Variants in PIGH observed in about 807,000 individuals in gnomAD.
The protein encoded by PIGH is phosphatidylinositol N-acetylglucosaminyltransferase subunit H.
A neutral mutation model predicts 20.1 loss-of-function variants in PIGH; 11 were observed. The ratio of observed to expected loss-of-function variants is 0.55; its 90% CI spans 0.34 to 0.91. The LOEUF is 0.91. PIGH is among the 40% of genes least tolerant of loss of function. The probability of loss-of-function intolerance (pLI) is 0.02; values close to 1 mark genes in which losing one functional copy is unlikely to be tolerated. For synonymous variants in PIGH, 72 were observed against 93.1 expected (o/e 0.77, Z 1.31); for missense variants, 189 against 233.6 (o/e 0.81, Z 1.24).
At chr14:67,599,090 T>TAAATTAA (rs1027077845) in intron 1 of PIGH, among the ~76,000 whole-genome samples, 1 of 152,198 alleles carries the variant, frequency 6.6e-6, no homozygotes, top group Non-Finnish European at 1.5e-5. Flanking sequence ...TATGCTAAAT[T>TAAATTAA]ACCATGCTCT....
chr14:67,592,317 G>T, intron 3 of PIGH: 1 of 434,956 alleles, frequency 2.3e-6, no homozygotes. Context: ...GTGCACACCT[G>T]TAGTCCCAAG....
At chr14:67,595,150 T>G (rs8005467) in intron 1 of PIGH, among the ~76,000 whole-genome samples, 1 of 148,646 alleles carries the variant, frequency 6.7e-6, no homozygotes, top group Non-Finnish European at 1.5e-5. Context: ...AAAATAAAAA[T>G]AAAAAAAATA....
rs764952942 is a variant in PIGH, at chr14:67,590,053, CA to C, written c.*26del. 3.2e-6 allele frequency: 5 copies of C among 1,542,198 alleles called. No homozygotes were observed. The highest frequency in any genetic ancestry group is 4.4e-6 in the Non-Finnish European group (5 of 1,143,880). ...CTTAAGAGTCATCTCCCATGGAAGA[CA>C]ATGCTGGCCTTCTGAACGCTGGGGC... On this transcript the variant is annotated 3_prime_UTR_variant, in exon 4 of 4. Transcript: ENST00000216452.
chr14:67,592,551 C>A (rs2036392570), intron 3 of PIGH, 84 bp downstream of exon 3: 3 of 830,076 alleles, frequency 3.6e-6, no homozygotes, highest in Admixed American at 4.0e-5. Flanking sequence ...CAGGTATCTT[C>A]CAATACTCTG....
intron 3 of PIGH, among the ~76,000 whole-genome samples, chr14:67,590,732 G>A (rs1415021662): frequency 6.6e-6 from 1 of 152,210 alleles, no homozygotes; most frequent in African/African-American, 2.4e-5. Context: ...GAGTTAAGAA[G>A]TTTAGGCCTC....
At chr14:67,592,140 A>T (rs1393105038) in intron 3 of PIGH, 2 of 180,332 alleles carry the variant, frequency 1.1e-5, no homozygotes, top group Non-Finnish European at 2.4e-5. Flanking sequence ...TGTGTTCTTT[A>T]AAATGTGCAT....
At chr14:67,592,020 G>A (rs1009631745) in intron 3 of PIGH, 1 of 154,466 alleles carries the variant, frequency 6.5e-6, no homozygotes, top group Non-Finnish European at 1.4e-5. Context: ...ACACAATAGT[G>A]TACAATGTAA....
intron 1 of PIGH, among the ~76,000 whole-genome samples, chr14:67,595,123 C>A (rs371544073): frequency 6.8e-6 from 1 of 146,204 alleles, no homozygotes. Flanking sequence ...GGTGACAGAG[C>A]GAGACTCCGT....
At chr14:67,596,647 T>C (rs2036480734) in intron 1 of PIGH, among the ~76,000 whole-genome samples, 2 of 152,146 alleles carry the variant, frequency 1.3e-5, no homozygotes, top group African/African-American at 4.8e-5. Context: ...GGGCCTGCAC[T>C]ACCCACCCAA....
intron 1 of PIGH, among the ~76,000 whole-genome samples, chr14:67,597,290 CA>C (rs1238558866): frequency 6.6e-6 from 1 of 152,138 alleles, no homozygotes; most frequent in Non-Finnish European, 1.5e-5. Context: ...CCAGCCTGGG[CA>C]ACCTAGTGAG....
At chr14:67,592,308 T>A (rs1437964528) in intron 3 of PIGH, 1 of 433,284 alleles carries the variant, frequency 2.3e-6, no homozygotes, top group African/African-American at 2.1e-5. Context: ...GGCGAGATGG[T>A]GCACACCTGT....
At chr14:67,592,284 A>G in intron 3 of PIGH, 1 of 411,098 alleles carries the variant, frequency 2.4e-6, no homozygotes. Flanking sequence ...AAAATAAAAA[A>G]AAAAAATTAG....
chr14:67,592,628 T>C lies in PIGH; in HGVS notation c.474+7A>G, dbSNP rs376657464. 3.2e-6 allele frequency: 5 copies of C among 1,553,424 alleles called. No homozygotes were observed. The highest frequency in any genetic ancestry group is 2.7e-5 in the African/African-American group (2 of 73,836). ...ATTGGAGAATGGTAAAAGTATTCTA[T>C]GCTCACCTGGAAGACGGGTACTACT... On this transcript the variant is annotated splice_region_variant and intron_variant, in intron 3 of 3. Transcript: ENST00000216452.
chr14:67,591,917 CTGA>C (rs2036377756), intron 3 of PIGH: 1 of 150,342 alleles, frequency 6.7e-6, no homozygotes, highest in Non-Finnish European at 1.5e-5. Flanking sequence ...GCTAAATAAA[CTGA>C]TATTTCAATA....
At position 67,592,481 on chromosome 14, in the gene PIGH, T is replaced by C. The variant is rs767826754; in HGVS notation, c.474+154A>G. On this transcript the variant is annotated intron_variant, in intron 3 of 3. Coordinates refer to ENST00000216452, the MANE Select transcript of PIGH (RefSeq NM_004569.5). ...GCATGAATATTTTTAAGGAATACAT[T>C]TGCCTCAGAGAGGAACTTCTCAAAT... is the stretch of plus-strand genomic sequence containing the variant. 29 of 581,758 alleles carry C rather than the reference T, an allele frequency of 5.0e-5. No homozygotes were observed. In the East Asian group the frequency reaches 8.5e-4, roughly 17 times the overall value. 36.0% of individuals were successfully genotyped at this position (581,758 alleles called of 1,614,324 possible).
intron 1 of PIGH, among the ~76,000 whole-genome samples, chr14:67,597,302 A>T (rs1594810596): frequency 6.6e-6 from 1 of 152,152 alleles, no homozygotes; most frequent in South Asian, 2.1e-4. Context: ...ACCTAGTGAG[A>T]CCCTGTCTCT....
chr14:67,590,485 A>G (rs1015573639), intron 3 of PIGH, among the ~76,000 whole-genome samples: 1 of 152,162 alleles, frequency 6.6e-6, no homozygotes, highest in African/African-American at 2.4e-5. Flanking sequence ...CAGCCTCCCA[A>G]GTAGCTAGGA....
Position 67,600,263 on chromosome 14 carries a change from C to A in PIGH, c.-60G>T, listed in dbSNP as rs535887832. The A allele has an allele frequency of 4.4e-6, 6 of 1,377,682 alleles. No homozygotes were observed. Among genetic ancestry groups the A allele is most frequent in the South Asian group, 2.9e-5 (2 of 68,060 alleles). 85.3% of individuals were successfully genotyped at this position (1,377,682 alleles called of 1,614,324 possible). On this transcript the variant is annotated 5_prime_UTR_variant, in exon 1 of 4. Transcript: ENST00000216452. ...CTGCACTGCGCTCGCCGGCCCTGGCCGTCTCGCCCGCTCCAGACCCGCTTC... is the reference window on the plus strand; with the variant it reads ...CTGCACTGCGCTCGCCGGCCCTGGCAGTCTCGCCCGCTCCAGACCCGCTTC...
At position 67,589,342 on chromosome 14, in the gene PIGH, A is replaced by C; in HGVS notation, c.*738T>G. 9 of 981,970 alleles carry C rather than the reference A, an allele frequency of 9.2e-6. No individual in the cohort carries two copies. Among genetic ancestry groups the C allele is most frequent in the Non-Finnish European group, 9.7e-6 (8 of 826,790 alleles). 60.8% of individuals were successfully genotyped at this position (981,970 alleles called of 1,614,324 possible). A position where few individuals can be genotyped will look rare whatever the true frequency, so the allele number is the denominator to read the frequency against. On this transcript the variant is annotated 3_prime_UTR_variant, in exon 4 of 4. Transcript: ENST00000216452. ...ATTTGCTTATTTATTCTTTGTTAAC[A>C]TGAGAGTCCCATGTCTGAAAACCAA... is the stretch of plus-strand genomic sequence containing the variant.
Sources: gnomAD v4.1 joint callset for allele counts (sites outside exome capture counted in the v4.1 genomes callset) on GRCh38, gnomAD v4.1.1 for gene constraint, MANE v1.5 for transcripts, NCBI Gene and HGNC (gene_info 2026-07-23, HGNC 2026-07-21) for gene names.